Variants in TECR observed in about 807,000 individuals in gnomAD.
TECR encodes the protein very-long-chain enoyl-CoA reductase.
TECR carries 19 observed loss-of-function variants against 50.6 expected under a neutral mutation model. That is an observed-to-expected ratio of 0.38 (90% confidence interval 0.26 to 0.55). The LOEUF (loss-of-function observed/expected upper bound fraction) is 0.55. TECR is among the 20% of genes least tolerant of loss of function. TECR has a pLI of 0.79. For synonymous variants in TECR, 168 were observed against 163.5 expected, an observed-to-expected ratio of 1.03 and a Z score of -0.21; for missense variants, 313 against 408.3, an observed-to-expected ratio of 0.77 and a Z score of 2.01.
At chr19:14,536,267 GTTTTT>G (rs201416657) in intron 1 of TECR, among the ~76,000 whole-genome samples, 1 of 138,044 alleles carries the variant, frequency 7.2e-6, no homozygotes, top group Non-Finnish European at 1.6e-5. Flanking sequence ...TCTCGAGCTA[GTTTTT>G]TTTTTTTTTT....
intron 1 of TECR, among the ~76,000 whole-genome samples, chr19:14,539,076 C>T (rs532377217): frequency 6.8e-6 from 1 of 147,716 alleles, no homozygotes; most frequent in East Asian, 2.0e-4. Flanking sequence ...CGGGTTCATG[C>T]GATTCTCCTG....
At chr19:14,538,784 G>C (rs2072995287) in intron 1 of TECR, among the ~76,000 whole-genome samples, 1 of 151,976 alleles carries the variant, frequency 6.6e-6, no homozygotes, top group Non-Finnish European at 1.5e-5. Flanking sequence ...ACCCGCCTCA[G>C]CCTCCCAAAG....
intron 1 of TECR, among the ~76,000 whole-genome samples, chr19:14,543,405 ATATATATATATATATTTTTTTTTTTTTTT>A (rs2073174873): frequency 5.1e-5 from 1 of 19,572 alleles, no homozygotes; most frequent in African/African-American, 2.3e-4. Context: ...ATATATATAT[ATATATATATATATATTTTTTTTTTTTTTT>A]TTTTTTTTTT....
intron 1 of TECR, among the ~76,000 whole-genome samples, chr19:14,548,865 G>T (rs549788111): frequency 2.5e-4 from 38 of 152,136 alleles, no homozygotes; most frequent in Admixed American, 1.2e-3. Context: ...GGGAGCCACC[G>T]CATCCAACCA....
Position 14,529,604 on chromosome 19 carries a change from T to C in TECR, c.-93T>C, listed in dbSNP as rs1568388196. On this transcript the variant is annotated 5_prime_UTR_variant, in exon 1 of 13. Coordinates refer to ENST00000215567, the MANE Select transcript of TECR (RefSeq NM_138501.6). ...CGGACGCAGAGCCGCGTTTAGTCTA[T>C]CGCTGCGGTTGCGAGCGCTGTAGGG... 2 of 1,592,466 alleles carry C rather than the reference T, an allele frequency of 1.3e-6. No individual in the cohort carries two copies. The highest frequency in any genetic ancestry group is 4.5e-5 in the East Asian group (2 of 44,766).
At chr19:14,556,401 ACT>A (rs1228730062) in intron 1 of TECR, among the ~76,000 whole-genome samples, 1 of 146,964 alleles carries the variant, frequency 6.8e-6, no homozygotes, top group East Asian at 2.0e-4. Context: ...CGACAGCGAG[ACT>A]CTCTCAAAAA....
chr19:14,532,338 G>C (rs934472491), intron 1 of TECR: 1 of 151,974 alleles, frequency 6.6e-6, no homozygotes, highest in Non-Finnish European at 1.5e-5. Context: ...TTGAGGTGAG[G>C]AGTTCAAGAC....
intron 1 of TECR, chr19:14,533,988 G>C (rs1396830119): frequency 6.6e-6 from 1 of 152,114 alleles, no homozygotes; most frequent in African/African-American, 2.4e-5. Flanking sequence ...ACTACATCTT[G>C]TAATTGAGCC....
chr19:14,556,425 C>CAAAAACAA (rs1455343160), intron 1 of TECR, among the ~76,000 whole-genome samples: 2 of 150,374 alleles, frequency 1.3e-5, no homozygotes, highest in South Asian at 4.3e-4. Context: ...AAAACAAAAA[C>CAAAAACAA]AAAAAAAACC....
At chr19:14,561,125 G>A (rs1012744680) in intron 1 of TECR, among the ~76,000 whole-genome samples, 1 of 152,114 alleles carries the variant, frequency 6.6e-6, no homozygotes, top group Non-Finnish European at 1.5e-5. Flanking sequence ...TGGCTTGACC[G>A]TGGTGCCCTC....
At chr19:14,560,445 C>T (rs1335221979) in intron 1 of TECR, among the ~76,000 whole-genome samples, 2 of 152,188 alleles carry the variant, frequency 1.3e-5, no homozygotes, top group African/African-American at 2.4e-5. Context: ...GGGCAGGCCC[C>T]GTGCCCGCCC....
intron 1 of TECR, among the ~76,000 whole-genome samples, chr19:14,536,390 C>T (rs989071773): frequency 6.6e-6 from 1 of 151,952 alleles, no homozygotes. Context: ...CTGCCTCAGC[C>T]TCCTGAGTAG....
chr19:14,551,267 G>A (rs192183078), intron 1 of TECR, among the ~76,000 whole-genome samples: 1 of 151,250 alleles, frequency 6.6e-6, no homozygotes, highest in Admixed American at 6.6e-5. Flanking sequence ...TAGAGATAGG[G>A]TTTCATCATG....
chr19:14,553,408 C>CCG (rs2073607810), intron 1 of TECR, among the ~76,000 whole-genome samples: 1 of 152,150 alleles, frequency 6.6e-6, no homozygotes, highest in African/African-American at 2.4e-5. Flanking sequence ...CCTTCCTCCC[C>CCG]ACCCTGGGTG....
intron 1 of TECR, chr19:14,536,726 T>C (rs1036641191): frequency 4.6e-5 from 7 of 152,090 alleles, no homozygotes; most frequent in Non-Finnish European, 8.8e-5. Context: ...AAGTGGCAAA[T>C]GCTACAGCTG....
Position 14,529,667 on chromosome 19 carries a change from G to A in TECR, c.-30G>A, listed in dbSNP as rs374421287. Reference sequence around the variant, plus strand: ...GCCGCGCAGTTAGGCAGCAGCAGCCGCGGAGCAGTAGCCGCCGTGGGAGGG... The same window carrying A: ...GCCGCGCAGTTAGGCAGCAGCAGCCACGGAGCAGTAGCCGCCGTGGGAGGG... On this transcript the variant is annotated 5_prime_UTR_variant, in exon 1 of 13. Transcript: ENST00000215567. 1 of 1,613,804 alleles carries A rather than the reference G, an allele frequency of 6.2e-7. No homozygotes were observed. Among genetic ancestry groups the A allele is most frequent in the Non-Finnish European group, 8.5e-7 (1 of 1,180,042 alleles).
Position 14,544,991 on chromosome 19 carries a change from C to T in TECR, c.15+15280C>T, listed in dbSNP as rs542899444. The stretch of plus-strand genomic sequence containing the variant: ...TCTAGGAACTGCGGTGTCCTTTTCA[C>T]TCCTTCCCTTCTCTGTTCCCTCCCT... On this transcript the variant is annotated intron_variant, in intron 1 of 12. Coordinates refer to ENST00000215567, the MANE Select transcript of TECR (RefSeq NM_138501.6). 59 of 412,918 alleles carry T rather than the reference C, an allele frequency of 1.4e-4. 1 individual carries two copies. Among genetic ancestry groups the T allele is most frequent in the South Asian group, 1.0e-3 (59 of 58,248 alleles). The allele number at this position is 412,918 out of a possible 1,614,324, so 25.6% of individuals were successfully genotyped here. A position where few individuals can be genotyped will look rare whatever the true frequency, so the allele number is the denominator to read the frequency against.
chr19:14,565,331 G>C (rs772057763), intron 11 of TECR, 41 bp downstream of exon 11: 4 of 1,609,692 alleles, frequency 2.5e-6, no homozygotes, highest in Non-Finnish European at 3.4e-6. Context: ...GGGACTTGGG[G>C]TCCCATGTGG....
intron 1 of TECR, chr19:14,545,311 C>T: frequency 2.4e-6 from 1 of 413,314 alleles, no homozygotes; most frequent in Non-Finnish European, 4.9e-6. Context: ...AGGGCCTTTG[C>T]ATTCCCCGCC....
Sources: gnomAD v4.1 joint callset for allele counts (sites outside exome capture counted in the v4.1 genomes callset) on GRCh38, gnomAD v4.1.1 for gene constraint, MANE v1.5 for transcripts, NCBI Gene and HGNC (gene_info 2026-07-23, HGNC 2026-07-21) for gene names.